Variants in MET observed in about 807,000 individuals in gnomAD.
MET encodes the protein MET proto-oncogene, receptor tyrosine kinase, also known as hepatocyte growth factor receptor.
Under a neutral mutation model 133.1 loss-of-function variants are expected in MET, and 48 were observed. The observed-to-expected ratio is 0.36, with a 90% CI of 0.29 to 0.46. The LOEUF (loss-of-function observed/expected upper bound fraction) is 0.46. Among genes scored for constraint, MET ranks in the 20% least tolerant of loss-of-function variants. The pLI, the probability that MET is intolerant of heterozygous loss-of-function variation, is 1.00. For synonymous variants in MET, 628 were observed against 616.5 expected (o/e 1.02, Z -0.28); for missense variants, 1,442 against 1,695.9 (o/e 0.85, Z 2.63).
intron 2 of MET, 30 bp from the exon 3 acceptor site, chr7:116,731,638 C>T (rs763229134): frequency 1.2e-6 from 2 of 1,611,264 alleles, no homozygotes; most frequent in Admixed American, 1.7e-5. Context: ...TCTGGATTCA[C>T]ATTAACTCTA....
At chr7:116,747,364 G>A (rs565153629) in intron 5 of MET, among the ~76,000 whole-genome samples, 1 of 152,318 alleles carries the variant, frequency 6.6e-6, no homozygotes, top group African/African-American at 2.4e-5. Flanking sequence ...CCATTGGTGT[G>A]CTGTATTCAG....
At position 116,774,986 on chromosome 7, in the gene MET, C is replaced by G. The variant is rs1554398862; in HGVS notation, c.3134C>G (p.Pro1045Arg). 6.2e-7 allele frequency: 1 copy of G among 1,614,022 alleles called. No homozygotes were observed. The highest frequency in any genetic ancestry group is 8.5e-7 in the Non-Finnish European group (1 of 1,180,022). ...AGTGGGGACTCTGATATATCCAGTCCATTACTGCAAAATACTGTCCACATT... is the reference window on the plus strand; with the variant it reads ...AGTGGGGACTCTGATATATCCAGTCGATTACTGCAAAATACTGTCCACATT... ...LTSGDSDISS[P>R]LLQNTVHIDL... The change falls in exon 15 of 21, where the codon CCA becomes CGA. Residue 1045 changes from proline (P) to arginine (R), a missense_variant. Physicochemically the swap from Pro to Arg is moderately radical, Grantham distance 103. Around this residue, in one of 6 missense-constraint regions of MET, gnomAD observed 514 missense variants for 659.6 expected, o/e 0.78. Transcript: ENST00000397752.
At chr7:116,753,443 T>C (rs1794006551) in intron 5 of MET, among the ~76,000 whole-genome samples, 1 of 152,232 alleles carries the variant, frequency 6.6e-6, no homozygotes, top group Non-Finnish European at 1.5e-5. Context: ...TTTAATAGTT[T>C]TAGCCTGAGA....
intron 11 of MET, 117 bp from the exon 12 acceptor site, chr7:116,769,528 G>A (rs1176346304): frequency 7.8e-7 from 1 of 1,278,530 alleles, no homozygotes; most frequent in Non-Finnish European, 1.1e-6. Context: ...ATAGAATCGT[G>A]TGCCTTGGCA....
chr7:116,696,794 G>A (rs1388750913), intron 1 of MET, among the ~76,000 whole-genome samples: 1 of 152,206 alleles, frequency 6.6e-6, no homozygotes, highest in Non-Finnish European at 1.5e-5. Context: ...TGCCAATCAA[G>A]TTCTAAATTT....
chr7:116,684,918 G>A (rs535037880), intron 1 of MET, among the ~76,000 whole-genome samples: 11 of 152,336 alleles, frequency 7.2e-5, no homozygotes, highest in African/African-American at 2.2e-4. Context: ...GAAGACCAGC[G>A]AGGAAGCTGT....
At chr7:116,704,224 G>A (rs577263709) in intron 2 of MET, among the ~76,000 whole-genome samples, 1 of 151,950 alleles carries the variant, frequency 6.6e-6, no homozygotes, top group Admixed American at 6.6e-5. Flanking sequence ...TATATATGAG[G>A]TACCTGGCAC....
Position 116,751,365 on chromosome 7 carries a change from T to C in MET, c.1702-3990T>C, listed in dbSNP as rs1263766148. Among the ~76,000 whole-genome samples the C allele has an allele frequency of 2.0e-5, 3 of 152,114 alleles. No homozygotes were observed. The South Asian group carries it at 6.2e-4, about 32-fold the overall frequency. On this transcript the variant is annotated intron_variant, in intron 5 of 20. Transcript: ENST00000397752. ...CATGTTCTCACTCATAAGTGGGAGT[T>C]GAACCATGAGAACACATGGACACAA... is the stretch of plus-strand genomic sequence containing the variant.
Position 116,797,795 on chromosome 7 carries a change from C to A in MET, c.*1671C>A, listed in dbSNP as rs1440666097. 2 of 225,798 alleles carry A rather than the reference C, an allele frequency of 8.9e-6. No homozygotes were observed. Among genetic ancestry groups the A allele is most frequent in the Non-Finnish European group, 1.8e-5 (2 of 113,490 alleles). The allele number at this position is 225,798 out of a possible 1,614,324, so 14.0% of individuals were successfully genotyped here. On this transcript the variant is annotated 3_prime_UTR_variant, in exon 21 of 21. Transcript: ENST00000397752. ...ATGTACTGATTGCCAATACACCCCACCCTCATTACATCATCAGGACTTGAA... is the reference window on the plus strand; with the variant it reads ...ATGTACTGATTGCCAATACACCCCAACCTCATTACATCATCAGGACTTGAA...
intron 5 of MET, among the ~76,000 whole-genome samples, chr7:116,751,395 G>A (rs763220648): frequency 6.6e-6 from 1 of 152,114 alleles, no homozygotes; most frequent in Non-Finnish European, 1.5e-5. Context: ...ACACAAGGAG[G>A]GAAACATCAC....
chr7:116,714,745 G>GCA (rs142954535), intron 2 of MET, among the ~76,000 whole-genome samples: 65,297 of 144,966 alleles, frequency 0.45, 14,880 homozygotes, highest in East Asian at 0.6. Flanking sequence ...TCACATGCAC[G>GCA]CACACACACA....
chr7:116,715,619 T>C (rs1217498767), intron 2 of MET, among the ~76,000 whole-genome samples: 1 of 152,246 alleles, frequency 6.6e-6, no homozygotes. Context: ...GTCTTCTAAA[T>C]GAAGTGACCA....
intron 2 of MET, among the ~76,000 whole-genome samples, chr7:116,726,504 C>T (rs1792791768): frequency 6.6e-6 from 1 of 151,902 alleles, no homozygotes; most frequent in African/African-American, 2.4e-5. Context: ...AGCACATTAC[C>T]TCTGTCATTC....
rs1421028269 is a variant in MET at position 116,796,231 on chromosome 7, A to C, written c.*107A>C. The C allele has an allele frequency of 3.1e-6, 3 of 964,566 alleles. No homozygotes were observed. The highest frequency in any genetic ancestry group is 5.0e-6 in the Non-Finnish European group (3 of 601,146). 59.8% of individuals were successfully genotyped at this position (964,566 alleles called of 1,614,324 possible). On this transcript the variant is annotated 3_prime_UTR_variant, in exon 21 of 21. Transcript: ENST00000397752. The stretch of plus-strand genomic sequence containing the variant: ...TCTTTGCTCTTGCCAAAATTGCACT[A>C]TTATAGGACTTGTATTGTTATTTAA...
At chr7:116,682,498 A>G (rs1324913999) in intron 1 of MET, among the ~76,000 whole-genome samples, 1 of 152,220 alleles carries the variant, frequency 6.6e-6, no homozygotes, top group Non-Finnish European at 1.5e-5. Context: ...TGAAATAAAA[A>G]TAATTAAATG....
intron 5 of MET, among the ~76,000 whole-genome samples, chr7:116,747,831 C>T (rs1343023828): frequency 2.6e-5 from 4 of 152,216 alleles, no homozygotes; most frequent in Admixed American, 1.3e-4. Flanking sequence ...ACATTCTTCT[C>T]AGCACCACAT....
At chr7:116,690,191 T>C (rs1796730399) in intron 1 of MET, among the ~76,000 whole-genome samples, 1 of 152,166 alleles carries the variant, frequency 6.6e-6, no homozygotes, top group Non-Finnish European at 1.5e-5. Context: ...ATAAGCATAG[T>C]AGCTATTATT....
In MET at chr7:116,796,069, A is replaced by T. The variant is rs773898036; in HGVS notation, c.4118A>T (p.Asp1373Val). ...APYPSLLSSE[D>V]NADDEVDTRP... is the part of the protein sequence containing the mutation. ...TATCCTTCTCTGTTGTCATCAGAAG[A>T]TAACGCTGATGATGAGGTGGACACA... Residue 1373 changes from aspartate (D) to valine (V), a missense_variant, in exon 21 of 21, where the codon GAT becomes GTT. By Grantham distance (152) the Asp-to-Val change is radical. Around this residue, in one of 6 missense-constraint regions of MET, gnomAD observed 94 missense variants for 109.5 expected, o/e 0.86. Coordinates refer to ENST00000397752, the MANE Select transcript of MET (RefSeq NM_000245.4). 5 of 1,614,026 alleles carry T rather than the reference A, an allele frequency of 3.1e-6. No homozygotes were observed. In the East Asian group the frequency reaches 1.1e-4, roughly 36 times the overall value.
At position 116,744,305 on chromosome 7, in the gene MET, G is replaced by A. The variant is rs142641212; in HGVS notation, c.1701+3280G>A. Among the ~76,000 whole-genome samples, 245 of 152,118 alleles carry A rather than the reference G, an allele frequency of 1.6e-3. 11 individuals are homozygous for A. In the East Asian group the frequency reaches 0.04, roughly 25 times the overall value. On this transcript the variant is annotated intron_variant, in intron 5 of 20. Transcript: ENST00000397752. ...TAAGAACCTTGAAAAAAAAGCTAGA[G>A]GAATTGCTAACTAGAATAACCGTTT...
Sources: allele counts gnomAD v4.1 joint callset (sites outside exome capture counted in the v4.1 genomes callset), GRCh38; gene constraint gnomAD v4.1.1; regional missense constraint gnomAD v4.1.1; transcripts MANE v1.5; gene names NCBI Gene and HGNC (gene_info 2026-07-23, HGNC 2026-07-21).